The following PEX3 variants were observed in gnomAD, a reference collection of about 807,000 sequenced individuals.
The protein encoded by PEX3 is peroxin-3.
A neutral mutation model predicts 55.8 loss-of-function variants in PEX3; 30 were observed. The ratio of observed to expected loss-of-function variants is 0.54; its 90% CI spans 0.40 to 0.73. PEX3 has a LOEUF of 0.73. Ranked by LOEUF, PEX3 falls within the 30% of genes least tolerant of loss-of-function variation. The pLI, the probability that PEX3 is intolerant of heterozygous loss-of-function variation, is 0.00. For synonymous variants in PEX3, 135 were observed against 148.4 expected (o/e 0.91, Z 0.66); for missense variants, 351 against 432.8 (o/e 0.81, Z 1.68).
At chr6:143,467,535 GCAGC>G (rs1780009148) in intron 3 of PEX3, among the ~76,000 whole-genome samples, 1 of 152,040 alleles carries the variant, frequency 6.6e-6, no homozygotes, top group Non-Finnish European at 1.5e-5. Context: ...TATCAAGTCT[GCAGC>G]AAGAATTAAA....
Position 143,458,236 on chromosome 6 carries a change from A to G in PEX3, c.74-849A>G, listed in dbSNP as rs2128745441. 6.6e-6 allele frequency among the ~76,000 whole-genome samples: 1 copy of G among 152,310 alleles called. No individual in the cohort carries two copies. On this transcript the variant is annotated intron_variant, in intron 1 of 11. Coordinates refer to ENST00000367591, the MANE Select transcript of PEX3 (RefSeq NM_003630.3). This position sits in a 1 kb window ranked among gnomAD's most constrained non-coding sequence, Gnocchi z 6.1. ...GATATAGACTAAAATGTACACATATATATCATACTGCCTATGCTGAAATCT... is the reference window on the plus strand; with the variant it reads ...GATATAGACTAAAATGTACACATATGTATCATACTGCCTATGCTGAAATCT...
chr6:143,457,830 A>AT (rs907866941), intron 1 of PEX3, among the ~76,000 whole-genome samples: 2 of 152,226 alleles, frequency 1.3e-5, no homozygotes, highest in African/African-American at 4.8e-5. Context: ...AGAACTGCTT[A>AT]TAAAAGATTT....
chr6:143,473,170 C>T (rs1780098514), intron 8 of PEX3, among the ~76,000 whole-genome samples: 1 of 152,106 alleles, frequency 6.6e-6, no homozygotes, highest in Admixed American at 6.6e-5. Context: ...GTTTTCATTG[C>T]CTGCAGGATT....
intron 1 of PEX3, among the ~76,000 whole-genome samples, chr6:143,455,451 G>A (rs1779833544): frequency 1.4e-5 from 2 of 141,218 alleles, no homozygotes; most frequent in Admixed American, 8.0e-5. Flanking sequence ...TCCTGACCTC[G>A]TGATCCGCCC....
In PEX3 at chr6:143,482,500, A is replaced by G. The variant is rs1157583891; in HGVS notation, c.942-2652A>G. ...TCTATTGGAGATTGGAGGATGGTTG[A>G]TTTTTTTCATCTTAAACCTGACAAA... is the stretch of plus-strand genomic sequence containing the variant. On this transcript the variant is annotated intron_variant, in intron 10 of 11. Transcript: ENST00000367591. This position sits in a 1 kb window ranked among gnomAD's most constrained non-coding sequence, Gnocchi z 5.5. 6.6e-6 allele frequency among the ~76,000 whole-genome samples: 1 copy of G among 152,038 alleles called. No homozygotes were observed. Among genetic ancestry groups the G allele is most frequent in the Non-Finnish European group, 1.5e-5 (1 of 67,962 alleles).
At position 143,459,305 on chromosome 6, in the gene PEX3, G is replaced by A. The variant is rs1370355280; in HGVS notation, c.205+89G>A. 6 of 1,089,486 alleles carry A rather than the reference G, an allele frequency of 5.5e-6. No individual in the cohort carries two copies. The East Asian group carries it at 9.5e-5, about 17-fold the overall frequency. 67.5% of individuals were successfully genotyped at this position (1,089,486 alleles called of 1,614,324 possible). A position where few individuals can be genotyped will look rare whatever the true frequency, so the allele number is the denominator to read the frequency against. ...ACCGGGATCAAATTTAGAGGAAAAG[G>A]CAAAGAAAAGATGGTAAATCTAGCA... On this transcript the variant is annotated intron_variant, in intron 2 of 11. Coordinates refer to ENST00000367591, the MANE Select transcript of PEX3 (RefSeq NM_003630.3). The surrounding 1 kb of genome is among the most constrained non-coding windows in gnomAD (Gnocchi z 4.2).
chr6:143,462,950 A>C lies in PEX3; in HGVS notation c.240A>C (p.Leu80Phe), dbSNP rs751969601. 3 of 1,613,862 alleles carry C rather than the reference A, an allele frequency of 1.9e-6. No homozygotes were observed. Among genetic ancestry groups the C allele is most frequent in the Non-Finnish European group, 2.5e-6 (3 of 1,179,820 alleles). ...TGCTTCCAACACTGAGAGAGGCCTTAATGCAGCAACTGAATTCCGAGAGCC... is the reference window on the plus strand; with the variant it reads ...TGCTTCCAACACTGAGAGAGGCCTTCATGCAGCAACTGAATTCCGAGAGCC... The part of the protein sequence containing the change: ...LSMLPTLREA[L>F]MQQLNSESLT... The change falls in exon 3 of 12, where the codon TTA becomes TTC. Residue 80 changes from leucine to phenylalanine, a missense_variant. Coordinates refer to ENST00000367591, the MANE Select transcript of PEX3 (RefSeq NM_003630.3). This position sits in a 1 kb window ranked among gnomAD's most constrained non-coding sequence, Gnocchi z 4.1.
chr6:143,485,684 A>T lies in PEX3; in HGVS notation c.1038+436A>T, dbSNP rs1002696926. ...TAACAGTTAATAGTGCATCAATAAT[A>T]TGCTCACTAAAAGCCACATAAACAG... On this transcript the variant is annotated intron_variant, in intron 11 of 11. Coordinates refer to ENST00000367591, the MANE Select transcript of PEX3 (RefSeq NM_003630.3). The surrounding 1 kb of genome is among the most constrained non-coding windows in gnomAD (Gnocchi z 5.6). 6.6e-6 allele frequency among the ~76,000 whole-genome samples: 1 copy of T among 152,116 alleles called. No homozygotes were observed. The highest frequency in any genetic ancestry group is 2.4e-5 in the African/African-American group (1 of 41,442).
At position 143,451,072 on chromosome 6, in the gene PEX3, A is replaced by G. The variant is rs1779753112; in HGVS notation, c.30A>G (p.Lys10=). 6.2e-7 allele frequency: 1 copy of G among 1,613,842 alleles called. No individual in the cohort carries two copies. Residue 10 remains lysine (K), a synonymous_variant, in exon 1 of 12, where the codon AAA becomes AAG. Transcript: ENST00000367591. The surrounding 1 kb of genome is among the most constrained non-coding windows in gnomAD (Gnocchi z 4.1). MLRSVWNFL[K]RHKKKCIFLG... ...TGAGGTCTGTATGGAATTTTCTGAA[A>G]CGCCACAAAAAGAAATGCATCTTCC...
rs957637423 is a variant in PEX3 at position 143,462,479 on chromosome 6, A to G, written c.206-437A>G. 7.9e-5 allele frequency among the ~76,000 whole-genome samples: 12 copies of G among 152,334 alleles called. No homozygotes were observed. The Middle Eastern group carries it at 0.014, about 173-fold the overall frequency. On this transcript the variant is annotated intron_variant, in intron 2 of 11. Transcript: ENST00000367591. The surrounding 1 kb of genome is among the most constrained non-coding windows in gnomAD (Gnocchi z 4.1). ...TTTAATAAACTTTTTAAAAATTAGAATGAAAAATGAAGGAAAAAGTATAGC... is the reference window on the plus strand; with the variant it reads ...TTTAATAAACTTTTTAAAAATTAGAGTGAAAAATGAAGGAAAAAGTATAGC...
In PEX3 at chr6:143,458,937, C is replaced by A; in HGVS notation, c.74-148C>A. ...AATGCTAATTTCCTTTTCTTTGGGC[C>A]AATCTTACAAAATTCTTTATTTAGG... On this transcript the variant is annotated intron_variant, in intron 1 of 11. Transcript: ENST00000367591. The surrounding 1 kb of genome is among the most constrained non-coding windows in gnomAD (Gnocchi z 6.1). The A allele has an allele frequency of 1.7e-6, 1 of 580,856 alleles. No individual in the cohort carries two copies. Among genetic ancestry groups the A allele is most frequent in the South Asian group, 2.0e-5 (1 of 49,418 alleles). The allele number at this position is 580,856 out of a possible 1,614,324, so 36.0% of individuals were successfully genotyped here.
rs1779798644 is a variant in PEX3, at chr6:143,453,208, CT to C, written c.73+2094del. ...GAAAAACAAGAGAGGTGAAAAAATGCTGTACAGATCACACTGGCAAGTAGCA... is the reference window on the plus strand; with the variant it reads ...GAAAAACAAGAGAGGTGAAAAAATGCGTACAGATCACACTGGCAAGTAGCA... On this transcript the variant is annotated intron_variant, in intron 1 of 11. Coordinates refer to ENST00000367591, the MANE Select transcript of PEX3 (RefSeq NM_003630.3). The surrounding 1 kb of genome is among the most constrained non-coding windows in gnomAD (Gnocchi z 4.6). Among the ~76,000 whole-genome samples, 1 of 152,172 alleles carries C rather than the reference CT, an allele frequency of 6.6e-6. No homozygotes were observed. Among genetic ancestry groups the C allele is most frequent in the Non-Finnish European group, 1.5e-5 (1 of 68,050 alleles).
At position 143,450,893 on chromosome 6, in the gene PEX3, C is replaced by T; in HGVS notation, c.-150C>T. On this transcript the variant is annotated 5_prime_UTR_variant, in exon 1 of 12. Transcript: ENST00000367591. ...GCCCCCTTGCCGCTCCGGTGACAGT[C>T]TCTGCGGAAAGTCACGTTTGTGATT... is the stretch of plus-strand genomic sequence containing the variant. 2.5e-6 allele frequency: 2 copies of T among 815,668 alleles called. No homozygotes were observed. The highest frequency in any genetic ancestry group is 4.4e-6 in the Non-Finnish European group (2 of 459,582). The allele number at this position is 815,668 out of a possible 1,614,324, so 50.5% of individuals were successfully genotyped here.
At position 143,482,642 on chromosome 6, in the gene PEX3, G is replaced by A. The variant is rs1261458440; in HGVS notation, c.942-2510G>A. 2.0e-5 allele frequency among the ~76,000 whole-genome samples: 3 copies of A among 151,796 alleles called. No homozygotes were observed. Among genetic ancestry groups the A allele is most frequent in the Admixed American group, 1.3e-4 (2 of 15,232 alleles). On this transcript the variant is annotated intron_variant, in intron 10 of 11. Coordinates refer to ENST00000367591, the MANE Select transcript of PEX3 (RefSeq NM_003630.3). The surrounding 1 kb of genome is among the most constrained non-coding windows in gnomAD (Gnocchi z 5.5). ...ATATATAATATAAGGTATAATTATT[G>A]TTACTCATAAAATAATAGGTAAGTC...
chr6:143,455,872 G>C (rs1779839281), intron 1 of PEX3, among the ~76,000 whole-genome samples: 1 of 152,176 alleles, frequency 6.6e-6, no homozygotes, highest in Non-Finnish European at 1.5e-5. Context: ...TTTGTGATCT[G>C]TTGGATTGGG....
In PEX3 at chr6:143,476,874, A is replaced by G. The variant is rs555934054; in HGVS notation, c.818+2018A>G. ...AATAGGAACAGATAGAGACTAGAAG[A>G]CAACTAAGTCATAGAGCAGTCCAAC... On this transcript the variant is annotated intron_variant, in intron 9 of 11. Coordinates refer to ENST00000367591, the MANE Select transcript of PEX3 (RefSeq NM_003630.3). The surrounding 1 kb of genome is among the most constrained non-coding windows in gnomAD (Gnocchi z 5.4). Among the ~76,000 whole-genome samples, 3 of 152,334 alleles carry G rather than the reference A, an allele frequency of 2.0e-5. No individual in the cohort carries two copies. In the South Asian group the frequency reaches 6.2e-4, roughly 32 times the overall value.
At chr6:143,478,028 T>G (rs1352841155) in intron 9 of PEX3, among the ~76,000 whole-genome samples, 1 of 152,090 alleles carries the variant, frequency 6.6e-6, no homozygotes, top group Non-Finnish European at 1.5e-5. Context: ...CAGTCCAGAT[T>G]TCTATTAACT....
Position 143,465,812 on chromosome 6 carries a change from A to G in PEX3, c.288-2310A>G, listed in dbSNP as rs192027125. 2.1e-4 allele frequency among the ~76,000 whole-genome samples: 32 copies of G among 152,184 alleles called. No homozygotes were observed. The highest frequency in any genetic ancestry group is 7.7e-4 in the African/African-American group (32 of 41,564). Reference sequence around the variant, plus strand: ...CTAGGAAAGAGGTAACTGAAACTATAGAGTCTGCTCATTGGCAAAGAAAGA... The same window carrying G: ...CTAGGAAAGAGGTAACTGAAACTATGGAGTCTGCTCATTGGCAAAGAAAGA... On this transcript the variant is annotated intron_variant, in intron 3 of 11. Coordinates refer to ENST00000367591, the MANE Select transcript of PEX3 (RefSeq NM_003630.3). This position sits in a 1 kb window ranked among gnomAD's most constrained non-coding sequence, Gnocchi z 4.7.
In PEX3 at chr6:143,457,758, A is replaced by T. The variant is rs892675688; in HGVS notation, c.74-1327A>T. Reference sequence around the variant, plus strand: ...TACTGGCAAACAGAGATTAAAAGTAACACAACCTGTTCTGTAAGCTTATTG... The same window carrying T: ...TACTGGCAAACAGAGATTAAAAGTATCACAACCTGTTCTGTAAGCTTATTG... On this transcript the variant is annotated intron_variant, in intron 1 of 11. Transcript: ENST00000367591. Among the ~76,000 whole-genome samples, 7 of 152,338 alleles carry T rather than the reference A, an allele frequency of 4.6e-5. No homozygotes were observed. The South Asian group carries it at 1.5e-3, about 32-fold the overall frequency.
Sources: gnomAD v4.1 joint callset for allele counts (sites outside exome capture counted in the v4.1 genomes callset) on GRCh38, gnomAD v4.1.1 for gene constraint, Gnocchi (gnomAD v3.1) non-coding constraint, MANE v1.5 for transcripts, NCBI Gene and HGNC (gene_info 2026-07-23, HGNC 2026-07-21) for gene names.